ARSB: variants seen among roughly 807,000 people sequenced by gnomAD.
ARSB encodes the protein N-acetylgalactosamine-4-sulfatase.
In ARSB, 41 loss-of-function variants were observed where a neutral mutation model predicts 50.9. The observed-to-expected ratio is 0.81, with a 90% CI of 0.63 to 1.04. ARSB has a LOEUF of 1.04. ARSB is among the 50% of genes least tolerant of loss of function. The pLI is 0.00. For synonymous variants in ARSB, 269 were observed against 284.8 expected (o/e 0.94, Z 0.56); for missense variants, 672 against 693.3 (o/e 0.97, Z 0.35).
chr5:78,780,780 T>C, intron 7 of ARSB, 118 bp from the exon 8 acceptor site: 1 of 1,251,970 alleles, frequency 8.0e-7, no homozygotes, highest in Non-Finnish European at 1.1e-6. Flanking sequence ...CATAAAAAGA[T>C]GCGGCCCTAG....
At chr5:78,863,652 T>C (rs1245959383) in intron 5 of ARSB, among the ~76,000 whole-genome samples, 4 of 151,826 alleles carry the variant, frequency 2.6e-5, no homozygotes, top group Non-Finnish European at 4.4e-5. Flanking sequence ...GAAATACCTA[T>C]TGTAAATGAT....
In ARSB at chr5:78,870,339, A is replaced by T. The variant is rs1222880012; in HGVS notation, c.1142+15245T>A. Among the ~76,000 whole-genome samples the T allele has an allele frequency of 2.4e-5, 2 of 82,696 alleles. 1 individual carries two copies. Among genetic ancestry groups the T allele is most frequent in the Non-Finnish European group, 5.0e-5 (2 of 39,926 alleles). 54.3% of individuals were successfully genotyped at this position (82,696 alleles called of 152,430 possible). A position where few individuals can be genotyped will look rare whatever the true frequency, so the allele number is the denominator to read the frequency against. On this transcript the variant is annotated intron_variant, in intron 5 of 7. Transcript: ENST00000264914. ...TGAGTCCAGCATCATCCTGATACCA[A>T]AGCCAGGCAGAGACACAACCAAAAA... is the stretch of plus-strand genomic sequence containing the variant.
rs544621831 is a variant in ARSB, at chr5:78,825,416, G to A, written c.1213+13940C>T. Among the ~76,000 whole-genome samples, 5 of 152,070 alleles carry A rather than the reference G, an allele frequency of 3.3e-5. No homozygotes were observed. The South Asian group carries it at 8.3e-4, about 25-fold the overall frequency. ...TAAATGCTGCTGTTTATAATTTGTG[G>A]AAAGACTAAGAAAAAAATCCCATAT... On this transcript the variant is annotated intron_variant, in intron 6 of 7. Coordinates refer to ENST00000264914, the MANE Select transcript of ARSB (RefSeq NM_000046.5).
chr5:78,985,113 G>A lies in ARSB; in HGVS notation c.136C>T (p.His46Tyr). Residue 46 changes from histidine to tyrosine, a missense_variant, in exon 1 of 8, where the codon CAC becomes TAC. Transcript: ENST00000264914. ...GSGAGASRPP[H>Y]LVFLLADDLG... ...TCGTCTGCCAGCAAGAAGACCAGGT[G>A]GGGCGGCCGGCTGGCCCCGGCGCCC... 6.7e-7 allele frequency: 1 copy of A among 1,499,790 alleles called. No individual in the cohort carries two copies. Among genetic ancestry groups the A allele is most frequent in the South Asian group, 1.3e-5 (1 of 78,116 alleles). 92.9% of individuals were successfully genotyped at this position (1,499,790 alleles called of 1,614,324 possible). A position where few individuals can be genotyped will look rare whatever the true frequency, so the allele number is the denominator to read the frequency against.
intron 5 of ARSB, among the ~76,000 whole-genome samples, chr5:78,877,533 C>T (rs968955568): frequency 3.3e-5 from 5 of 152,014 alleles, no homozygotes; most frequent in Admixed American, 3.3e-4. Context: ...GGATCACAGG[C>T]GCCCGCCACC....
intron 4 of ARSB, among the ~76,000 whole-genome samples, chr5:78,945,081 C>T (rs776158124): frequency 9.9e-5 from 15 of 152,280 alleles, no homozygotes; most frequent in Middle Eastern, 3.4e-3. Context: ...CTGAGCCAGG[C>T]GCGGGATACA....
At chr5:78,939,741 T>C (rs1750812103) in intron 4 of ARSB, among the ~76,000 whole-genome samples, 2 of 152,200 alleles carry the variant, frequency 1.3e-5, no homozygotes, top group South Asian at 2.1e-4. Flanking sequence ...GCAATAAACA[T>C]ACATGTGCAT....
intron 5 of ARSB, among the ~76,000 whole-genome samples, chr5:78,867,046 A>G (rs1035452410): frequency 2.6e-5 from 4 of 152,182 alleles, no homozygotes; most frequent in African/African-American, 9.6e-5. Flanking sequence ...CGAGTCAAAG[A>G]AAGGGGTGAC....
At chr5:78,848,055 TTTATTA>T (rs970674407) in intron 5 of ARSB, among the ~76,000 whole-genome samples, 1 of 150,812 alleles carries the variant, frequency 6.6e-6, no homozygotes, top group Non-Finnish European at 1.5e-5. Context: ...ATTTTTTTAT[TTTATTA>T]TTATTATTAT....
At chr5:78,886,745 A>G (rs1366940032) in intron 4 of ARSB, among the ~76,000 whole-genome samples, 1 of 151,966 alleles carries the variant, frequency 6.6e-6, no homozygotes, top group Non-Finnish European at 1.5e-5. Flanking sequence ...CATTTTAAAT[A>G]ACACATATTT....
At chr5:78,801,375 T>C (rs1402486711) in intron 6 of ARSB, among the ~76,000 whole-genome samples, 2 of 152,098 alleles carry the variant, frequency 1.3e-5, no homozygotes, top group Non-Finnish European at 2.9e-5. Context: ...CAGGGTTGGA[T>C]TGGTCAAGTA....
chr5:78,977,966 A>G (rs1039850355), intron 1 of ARSB, among the ~76,000 whole-genome samples: 1 of 152,248 alleles, frequency 6.6e-6, no homozygotes, highest in African/African-American at 2.4e-5. Context: ...CACTGAAAAT[A>G]GTAAAACAGG....
chr5:78,902,900 A>C (rs1324922923), intron 4 of ARSB, among the ~76,000 whole-genome samples: 1 of 152,226 alleles, frequency 6.6e-6, no homozygotes. Context: ...TATACTTTAA[A>C]AGGATGAATT....
At chr5:78,869,569 T>C (rs1481629039) in intron 5 of ARSB, among the ~76,000 whole-genome samples, 1 of 150,752 alleles carries the variant, frequency 6.6e-6, no homozygotes, top group African/African-American at 2.4e-5. Flanking sequence ...GACTACTGGG[T>C]ACATAACGAA....
At chr5:78,919,681 C>T (rs961598667) in intron 4 of ARSB, among the ~76,000 whole-genome samples, 1 of 151,882 alleles carries the variant, frequency 6.6e-6, no homozygotes. Flanking sequence ...TTAGTAGAGA[C>T]GGGGATTCAC....
chr5:78,906,554 A>G (rs1418520277), intron 4 of ARSB, among the ~76,000 whole-genome samples: 2 of 152,204 alleles, frequency 1.3e-5, no homozygotes, highest in Non-Finnish European at 2.9e-5. Flanking sequence ...CAAGGGATTC[A>G]TGAAGCTTTG....
At chr5:78,866,873 A>G (rs1040749183) in intron 5 of ARSB, among the ~76,000 whole-genome samples, 8 of 152,242 alleles carry the variant, frequency 5.3e-5, no homozygotes, top group African/African-American at 1.9e-4. Flanking sequence ...GCGACGCAGA[A>G]GACGGGTGAT....
intron 2 of ARSB, among the ~76,000 whole-genome samples, chr5:78,965,994 A>T (rs337848): frequency 6.6e-6 from 1 of 152,066 alleles, no homozygotes; most frequent in Non-Finnish European, 1.5e-5. Context: ...CATAAAAATA[A>T]TTTCAGCCCT....
At chr5:78,930,026 C>T (rs1431058841) in intron 4 of ARSB, among the ~76,000 whole-genome samples, 2 of 152,240 alleles carry the variant, frequency 1.3e-5, no homozygotes, top group African/African-American at 2.4e-5. Context: ...CTCCCTCCAG[C>T]GACTCACAGA....
Sources: allele counts gnomAD v4.1 joint callset (sites outside exome capture counted in the v4.1 genomes callset), GRCh38; gene constraint gnomAD v4.1.1; transcripts MANE v1.5; gene names NCBI Gene and HGNC (gene_info 2026-07-23, HGNC 2026-07-21).